Variants in SEMA3A observed in about 807,000 individuals in gnomAD.
SEMA3A encodes the protein semaphorin 3A.
A neutral mutation model predicts 97.9 loss-of-function variants in SEMA3A; 29 were observed. The ratio of observed to expected loss-of-function variants is 0.30; its 90% CI spans 0.22 to 0.40. The LOEUF (loss-of-function observed/expected upper bound fraction) is 0.40, where lower values mean the gene tolerates loss of function less well. SEMA3A is among the 10% of genes least tolerant of loss of function. SEMA3A has a pLI of 1.00. For missense variants in SEMA3A, 763 were observed against 951.3 expected (o/e 0.80, Z 2.60); for synonymous variants, 321 against 323.7 (o/e 0.99, Z 0.09).
intron 4 of SEMA3A, 53 bp from the exon 5 acceptor site, chr7:84,060,611 G>C: frequency 8.2e-7 from 1 of 1,213,696 alleles, no homozygotes; most frequent in Non-Finnish European, 1.1e-6. Context: ...ATAAAAATGA[G>C]TGTTTTCAAC....
At chr7:84,295,448 T>C (rs1448450916) in intron 3 of SEMA3A, among the ~76,000 whole-genome samples, 2 of 152,044 alleles carry the variant, frequency 1.3e-5, no homozygotes, top group Non-Finnish European at 2.9e-5. Context: ...TTGGAGAATA[T>C]CTGAAATGAA....
At position 84,046,515 on chromosome 7, in the gene SEMA3A, C is replaced by T. The variant is rs528013513; in HGVS notation, c.548-72G>A. 3 of 1,552,968 alleles carry T rather than the reference C, an allele frequency of 1.9e-6. No homozygotes were observed. In the Admixed American group the frequency reaches 5.1e-5, roughly 27 times the overall value. ...CAAAAACAAAACAAAACAAAACAAA[C>T]AAAATGCAAGTTTCATGTTATGACC... On this transcript the variant is annotated intron_variant, in intron 5 of 16. Transcript: ENST00000265362.
chr7:84,388,417 A>G (rs1191025052), intron 1 of SEMA3A, among the ~76,000 whole-genome samples: 14 of 151,990 alleles, frequency 9.2e-5, no homozygotes, highest in Non-Finnish European at 1.8e-4. Context: ...TTTAAAGCAC[A>G]TGTTCTGTCA....
At chr7:84,324,045 T>C (rs1008998151) in intron 2 of SEMA3A, among the ~76,000 whole-genome samples, 45 of 152,202 alleles carry the variant, frequency 3.0e-4, no homozygotes, top group African/African-American at 9.9e-4. Flanking sequence ...TTAAAATAAA[T>C]GGTAAATCAA....
At chr7:84,432,251 A>G (rs1266683670) in intron 1 of SEMA3A, among the ~76,000 whole-genome samples, 1 of 152,138 alleles carries the variant, frequency 6.6e-6, no homozygotes, top group Non-Finnish European at 1.5e-5. Context: ...AGAAAAACAG[A>G]ATCAACATAT....
chr7:83,988,227 G>C (rs1308526274), intron 12 of SEMA3A, among the ~76,000 whole-genome samples: 1 of 151,600 alleles, frequency 6.6e-6, no homozygotes, highest in Admixed American at 6.6e-5. Flanking sequence ...TGTTGTTGTT[G>C]TTGTTTGTTT....
intron 1 of SEMA3A, among the ~76,000 whole-genome samples, chr7:84,393,398 G>C (rs187579155): frequency 6.3e-4 from 96 of 152,138 alleles, no homozygotes; most frequent in Admixed American, 1.7e-3. Context: ...GCAATCATGA[G>C]CAAAAAGAAC....
chr7:84,108,347 G>GAA lies in SEMA3A; in HGVS notation c.453+2121_453+2122dup, dbSNP rs59340161. Among the ~76,000 whole-genome samples, 14 of 146,496 alleles carry GAA rather than the reference G, an allele frequency of 9.6e-5. No homozygotes were observed. In the South Asian group the frequency reaches 1.1e-3, roughly 11 times the overall value. ...TTAAAACTCCTTGAGTTTCTACAGG[G>GAA]AAAAAAAAAAAGAAAAAAGGCAATG... is the stretch of plus-strand genomic sequence containing the variant. On this transcript the variant is annotated intron_variant, in intron 4 of 16. Coordinates refer to ENST00000265362, the MANE Select transcript of SEMA3A (RefSeq NM_006080.3).
At chr7:84,120,901 T>C (rs1299050760) in intron 3 of SEMA3A, among the ~76,000 whole-genome samples, 1 of 152,168 alleles carries the variant, frequency 6.6e-6, no homozygotes, top group Non-Finnish European at 1.5e-5. Flanking sequence ...GCTAGAGTAT[T>C]AGAATTTCTT....
intron 3 of SEMA3A, among the ~76,000 whole-genome samples, chr7:84,229,648 A>G (rs1396712192): frequency 1.3e-5 from 2 of 152,166 alleles, no homozygotes; most frequent in Non-Finnish European, 2.9e-5. Flanking sequence ...GGTTTTCTGT[A>G]GAGTAGAAAC....
chr7:84,062,348 T>G (rs1340727201), intron 4 of SEMA3A, among the ~76,000 whole-genome samples: 1 of 152,136 alleles, frequency 6.6e-6, no homozygotes, highest in Non-Finnish European at 1.5e-5. Flanking sequence ...ATTCAAAAAC[T>G]TAGAAGAATC....
intron 2 of SEMA3A, among the ~76,000 whole-genome samples, chr7:84,321,807 C>T (rs1031796964): frequency 7.7e-6 from 1 of 130,578 alleles, no homozygotes; most frequent in African/African-American, 3.0e-5. Flanking sequence ...ACCGGGGAGG[C>T]AGGGGTTGCA....
intron 6 of SEMA3A, among the ~76,000 whole-genome samples, chr7:84,042,114 G>A (rs115007373): frequency 2.0e-5 from 3 of 152,144 alleles, no homozygotes; most frequent in South Asian, 2.1e-4. Context: ...TTCTAAAAGC[G>A]CATGTTGTGG....
At chr7:83,977,063 T>C in intron 15 of SEMA3A, 69 bp downstream of exon 15, 1 of 835,270 alleles carries the variant, frequency 1.2e-6, no homozygotes, top group Non-Finnish European at 1.8e-6. Flanking sequence ...TGCATGCATA[T>C]GCATGAATAT....
chr7:84,435,135 A>C (rs1366678975), intron 1 of SEMA3A, among the ~76,000 whole-genome samples: 1 of 152,180 alleles, frequency 6.6e-6, no homozygotes, highest in Non-Finnish European at 1.5e-5. Flanking sequence ...GCTGGTGACT[A>C]ATAAACAACT....
chr7:84,172,064 T>C (rs1376477311), intron 1 of SEMA3A, among the ~76,000 whole-genome samples: 4 of 152,196 alleles, frequency 2.6e-5, no homozygotes, highest in Admixed American at 2.0e-4. Flanking sequence ...AATTTGTCTA[T>C]AATTTGTGAG....
upstream of SEMA3A, among the ~76,000 whole-genome samples, chr7:84,198,955 C>T (rs1798296176): frequency 6.6e-6 from 1 of 152,162 alleles, no homozygotes; most frequent in African/African-American, 2.4e-5. Flanking sequence ...AGTATTTACA[C>T]ATTGGCTATG....
At chr7:84,433,204 C>T (rs180711938) in intron 1 of SEMA3A, among the ~76,000 whole-genome samples, 20 of 151,824 alleles carry the variant, frequency 1.3e-4, no homozygotes, top group Admixed American at 4.6e-4. Context: ...TTAGGTATTC[C>T]ACCTAATGCT....
intron 3 of SEMA3A, among the ~76,000 whole-genome samples, chr7:84,288,240 CA>C (rs1447228156): frequency 6.6e-6 from 1 of 152,044 alleles, no homozygotes; most frequent in Non-Finnish European, 1.5e-5. Context: ...TGTGGCCCAC[CA>C]TGCCCAGCTA....
Sources: gnomAD v4.1 joint callset for allele counts (sites outside exome capture counted in the v4.1 genomes callset) on GRCh38, gnomAD v4.1.1 for gene constraint, MANE v1.5 for transcripts, NCBI Gene and HGNC (gene_info 2026-07-23, HGNC 2026-07-21) for gene names.